Variants in SDC2 observed in about 807,000 individuals in gnomAD.
The protein encoded by SDC2 is syndecan-2.
A neutral mutation model predicts 22.2 loss-of-function variants in SDC2; 13 were observed. The observed-to-expected ratio is 0.59, with a 90% CI of 0.38 to 0.93. The LOEUF is 0.93. SDC2 is among the 40% of genes least tolerant of loss of function. SDC2 has a pLI of 0.00. For synonymous variants in SDC2, 94 were observed against 92.8 expected (o/e 1.01, Z -0.07); for missense variants, 235 against 246.8 (o/e 0.95, Z 0.32).
At chr8:96,555,868 T>G (rs1355822116) in intron 1 of SDC2, among the ~76,000 whole-genome samples, 3 of 152,162 alleles carry the variant, frequency 2.0e-5, no homozygotes, top group Admixed American at 2.0e-4. Flanking sequence ...ACTTCTTTGT[T>G]TGTTTCAGGG....
chr8:96,559,398 G>A (rs1282379916), intron 1 of SDC2, among the ~76,000 whole-genome samples: 3 of 152,210 alleles, frequency 2.0e-5, no homozygotes, highest in African/African-American at 7.2e-5. Context: ...ATGACATGAT[G>A]TTGTGGGGCC....
intron 1 of SDC2, among the ~76,000 whole-genome samples, chr8:96,556,075 CAT>C (rs1563659993): frequency 1.3e-5 from 2 of 151,758 alleles, no homozygotes; most frequent in Non-Finnish European, 2.9e-5. Context: ...CACACACACA[CAT>C]TCAAATGTGA....
intron 1 of SDC2, among the ~76,000 whole-genome samples, chr8:96,508,342 A>T (rs1361058635): frequency 3.2e-5 from 4 of 124,148 alleles, no homozygotes; most frequent in African/African-American, 9.2e-5. Flanking sequence ...TAATAATAAT[A>T]ATTAGCCGGG....
At chr8:96,512,957 G>T (rs7001156) in intron 1 of SDC2, among the ~76,000 whole-genome samples, 1,692 of 152,174 alleles carry the variant, frequency 0.011, 20 homozygotes, top group African/African-American at 0.038. Context: ...TGTGTTTACC[G>T]TCTCCTTCTC....
intron 1 of SDC2, among the ~76,000 whole-genome samples, chr8:96,558,059 A>G (rs1003917552): frequency 1.2e-4 from 18 of 152,004 alleles, no homozygotes; most frequent in African/African-American, 4.3e-4. Context: ...GAGCAGTTCT[A>G]ATTGCATGAA....
intron 1 of SDC2, among the ~76,000 whole-genome samples, chr8:96,544,832 T>C (rs868125893): frequency 6.6e-6 from 1 of 152,244 alleles, no homozygotes; most frequent in African/African-American, 2.4e-5. Context: ...GAACCTTATA[T>C]TGGTATAATT....
chr8:96,606,647 A>G (rs1443878326), intron 3 of SDC2, among the ~76,000 whole-genome samples: 2 of 151,988 alleles, frequency 1.3e-5, no homozygotes, highest in Admixed American at 1.3e-4. Context: ...TTGAAATGGA[A>G]CCTCTAGTAG....
At chr8:96,590,289 G>A (rs889500281) in intron 1 of SDC2, among the ~76,000 whole-genome samples, 4 of 152,160 alleles carry the variant, frequency 2.6e-5, no homozygotes, top group Non-Finnish European at 5.9e-5. Context: ...AAACAGCCTC[G>A]TTATGACACC....
At chr8:96,535,092 CTCCCAGG>C (rs1253255883) in intron 1 of SDC2, among the ~76,000 whole-genome samples, 2 of 152,072 alleles carry the variant, frequency 1.3e-5, no homozygotes, top group Non-Finnish European at 2.9e-5. Flanking sequence ...CAACCTCCGC[CTCCCAGG>C]TCCCAGTTCA....
chr8:96,547,594 G>A (rs1265585675), intron 1 of SDC2, among the ~76,000 whole-genome samples: 3 of 152,196 alleles, frequency 2.0e-5, no homozygotes, highest in African/African-American at 7.2e-5. Flanking sequence ...AATAAAAGGT[G>A]TCTGGGTATA....
chr8:96,592,863 A>G (rs1238241678), intron 1 of SDC2, among the ~76,000 whole-genome samples: 1 of 152,214 alleles, frequency 6.6e-6, no homozygotes, highest in Non-Finnish European at 1.5e-5. Context: ...GGTGAGCCTC[A>G]CGGGCGCTGC....
chr8:96,534,349 G>GAGGGCTGCC (rs923096242), intron 1 of SDC2, among the ~76,000 whole-genome samples: 2 of 152,220 alleles, frequency 1.3e-5, no homozygotes, highest in African/African-American at 4.8e-5. Context: ...TGAGGGATGC[G>GAGGGCTGCC]AGGGCTGCCA....
At chr8:96,556,233 A>G (rs548725643) in intron 1 of SDC2, among the ~76,000 whole-genome samples, 126 of 152,184 alleles carry the variant, frequency 8.3e-4, no homozygotes, top group Non-Finnish European at 1.6e-3. Flanking sequence ...TATTAGCCTT[A>G]GTAAGAAACT....
At chr8:96,604,828 C>T (rs144918014) in intron 3 of SDC2, among the ~76,000 whole-genome samples, 24 of 152,290 alleles carry the variant, frequency 1.6e-4, no homozygotes, top group African/African-American at 3.6e-4. Flanking sequence ...TGTCTTTTTG[C>T]GGATTCATTT....
intron 1 of SDC2, among the ~76,000 whole-genome samples, chr8:96,513,766 C>T (rs577634801): frequency 1.3e-5 from 2 of 152,230 alleles, no homozygotes; most frequent in Admixed American, 6.5e-5. Context: ...CTTCCGATCT[C>T]GACTGAGTAA....
In SDC2 at chr8:96,577,572, T is replaced by C. The variant is rs576837481; in HGVS notation, c.61-15908T>C. On this transcript the variant is annotated intron_variant, in intron 1 of 4. Coordinates refer to ENST00000302190, the MANE Select transcript of SDC2 (RefSeq NM_002998.4). ...TTTATTGGGATTAATGAACCAACATTGATACATTATTACTAGCTGTAGTCC... is the reference window on the plus strand; with the variant it reads ...TTTATTGGGATTAATGAACCAACATCGATACATTATTACTAGCTGTAGTCC... 2.3e-4 allele frequency among the ~76,000 whole-genome samples: 35 copies of C among 152,324 alleles called. 1 individual carries two copies. Among genetic ancestry groups the C allele is most frequent in the African/African-American group, 7.5e-4 (31 of 41,568 alleles).
intron 1 of SDC2, among the ~76,000 whole-genome samples, chr8:96,539,397 G>A (rs1044520791): frequency 2.0e-5 from 3 of 152,158 alleles, no homozygotes; most frequent in East Asian, 1.9e-4. Context: ...GGTTGTGCAC[G>A]TATAAAGTAC....
intron 1 of SDC2, among the ~76,000 whole-genome samples, chr8:96,532,771 A>C (rs1813686845): frequency 1.3e-5 from 2 of 152,042 alleles, no homozygotes; most frequent in Non-Finnish European, 2.9e-5. Context: ...CTATGCATTC[A>C]CCTTCTCTGA....
intron 1 of SDC2, among the ~76,000 whole-genome samples, chr8:96,583,378 AAT>A (rs1190424812): frequency 9.5e-6 from 1 of 105,110 alleles, no homozygotes; most frequent in East Asian, 2.5e-4. Flanking sequence ...TCATATATAA[AAT>A]ATATATGACA....
Sources: gnomAD v4.1 joint callset for allele counts (sites outside exome capture counted in the v4.1 genomes callset) on GRCh38, gnomAD v4.1.1 for gene constraint, MANE v1.5 for transcripts, NCBI Gene and HGNC (gene_info 2026-07-23, HGNC 2026-07-21) for gene names.